The following FRS2 variants were observed in gnomAD, a reference collection of about 807,000 sequenced individuals.
FRS2 encodes fibroblast growth factor receptor substrate 2.
In FRS2, 8 loss-of-function variants were observed where a neutral mutation model predicts 43.9. That is an observed-to-expected ratio of 0.18 (90% CI 0.11 to 0.33). The LOEUF is 0.33. FRS2 is among the 10% of genes least tolerant of loss of function. FRS2 has a pLI of 1.00. For synonymous variants in FRS2, 219 were observed against 220.3 expected, an observed-to-expected ratio of 0.99 and a Z score of 0.05; for missense variants, 534 against 627.6, an observed-to-expected ratio of 0.85 and a Z score of 1.59.
chr12:69,536,027 ATTG>A (rs945440046), intron 3 of FRS2, among the ~76,000 whole-genome samples: 2 of 141,916 alleles, frequency 1.4e-5, no homozygotes, highest in Non-Finnish European at 3.1e-5. Context: ...TTTTTTTTTA[ATTG>A]TTGTTATTGC....
Position 69,550,839 on chromosome 12 carries a change from G to A in FRS2, c.-121-11341G>A, listed in dbSNP as rs561977735. On this transcript the variant is annotated intron_variant, in intron 3 of 8. Coordinates refer to ENST00000549921, the MANE Select transcript of FRS2 (RefSeq NM_001278356.2). ...TGAGTATTTTATGTACATAATTATA[G>A]GAAACCAATATTCTTTGTAGCTGTT... Among the ~76,000 whole-genome samples, 74 of 152,230 alleles carry A rather than the reference G, an allele frequency of 4.9e-4. 2 individuals are homozygous for A. The South Asian group carries it at 7.5e-3, about 15-fold the overall frequency.
chr12:69,512,832 G>C (rs746872345), intron 1 of FRS2, among the ~76,000 whole-genome samples: 24 of 152,032 alleles, frequency 1.6e-4, no homozygotes, highest in Non-Finnish European at 2.8e-4. Flanking sequence ...AAATCAGAAC[G>C]TTATGTTAAA....
intron 1 of FRS2, among the ~76,000 whole-genome samples, chr12:69,518,259 A>G (rs1875257657): frequency 6.6e-6 from 1 of 152,214 alleles, no homozygotes; most frequent in Admixed American, 6.5e-5. Flanking sequence ...CTTTTGTACA[A>G]TTCCCACTTA....
intron 1 of FRS2, among the ~76,000 whole-genome samples, chr12:69,496,530 G>T (rs1872915232): frequency 6.6e-6 from 1 of 152,140 alleles, no homozygotes; most frequent in Non-Finnish European, 1.5e-5. Flanking sequence ...ACATATTTTT[G>T]AAGTGTCCAG....
intron 3 of FRS2, among the ~76,000 whole-genome samples, chr12:69,550,673 T>C (rs1878797080): frequency 6.6e-6 from 1 of 152,224 alleles, no homozygotes; most frequent in South Asian, 2.1e-4. Context: ...AGCAGAGATA[T>C]TGTATGCCAT....
At chr12:69,474,101 A>G (rs1332268836) in intron 1 of FRS2, among the ~76,000 whole-genome samples, 2 of 152,138 alleles carry the variant, frequency 1.3e-5, no homozygotes, top group Non-Finnish European at 2.9e-5. Context: ...TCAGCCTCCC[A>G]AAGTGCTGGG....
intron 3 of FRS2, among the ~76,000 whole-genome samples, chr12:69,561,042 T>C (rs1248627996): frequency 6.6e-6 from 1 of 152,194 alleles, no homozygotes; most frequent in Non-Finnish European, 1.5e-5. Context: ...CAAAGTCCCC[T>C]AGAATACATT....
intron 1 of FRS2, among the ~76,000 whole-genome samples, chr12:69,527,279 A>T (rs775722649): frequency 1.7e-4 from 25 of 149,378 alleles, no homozygotes; most frequent in Non-Finnish European, 3.1e-4. Flanking sequence ...TATAGCAGTG[A>T]ATCTTTCTTC....
chr12:69,557,225 A>T (rs934605102), intron 3 of FRS2, among the ~76,000 whole-genome samples: 6 of 152,186 alleles, frequency 3.9e-5, no homozygotes, highest in African/African-American at 1.4e-4. Flanking sequence ...ACCCTTTATT[A>T]ATTTGACACA....
chr12:69,501,390 C>A (rs115846323), intron 1 of FRS2, among the ~76,000 whole-genome samples: 268 of 152,242 alleles, frequency 1.8e-3, no homozygotes, highest in African/African-American at 6.2e-3. Flanking sequence ...CCCGACCAAC[C>A]AGTGAATCAT....
intron 1 of FRS2, among the ~76,000 whole-genome samples, chr12:69,508,548 T>C (rs962428066): frequency 9.2e-5 from 14 of 152,198 alleles, no homozygotes; most frequent in Non-Finnish European, 1.8e-4. Flanking sequence ...TTTAGATCTT[T>C]TAAACAAAAT....
chr12:69,562,785 G>A (rs574322511), intron 4 of FRS2, among the ~76,000 whole-genome samples: 1 of 152,210 alleles, frequency 6.6e-6, no homozygotes, highest in East Asian at 1.9e-4. Flanking sequence ...GACCACCTGG[G>A]TTTAAGTGAT....
chr12:69,552,444 C>T (rs1245963982), intron 3 of FRS2, among the ~76,000 whole-genome samples: 1 of 151,812 alleles, frequency 6.6e-6, no homozygotes, highest in Non-Finnish European at 1.5e-5. Flanking sequence ...GTAGCCTCTA[C>T]TTTCTTAAAC....
At chr12:69,477,960 C>A (rs908978319) in intron 1 of FRS2, among the ~76,000 whole-genome samples, 1 of 151,646 alleles carries the variant, frequency 6.6e-6, no homozygotes, top group African/African-American at 2.4e-5. Context: ...CCAGGATGGT[C>A]TCAATCTCCT....
intron 1 of FRS2, among the ~76,000 whole-genome samples, chr12:69,504,944 TCA>T (rs1474286269): frequency 2.0e-5 from 3 of 152,214 alleles, no homozygotes; most frequent in Non-Finnish European, 4.4e-5. Context: ...TCTTCCCACC[TCA>T]GCCTCCCTTA....
At chr12:69,516,060 C>T (rs996529241) in intron 1 of FRS2, among the ~76,000 whole-genome samples, 2 of 151,968 alleles carry the variant, frequency 1.3e-5, no homozygotes, top group Non-Finnish European at 2.9e-5. Flanking sequence ...AACCACCTCT[C>T]GTTAATTATT....
chr12:69,515,563 G>A (rs935939200), intron 1 of FRS2, among the ~76,000 whole-genome samples: 2 of 151,894 alleles, frequency 1.3e-5, no homozygotes, highest in African/African-American at 4.8e-5. Flanking sequence ...CATCCCTCGC[G>A]CTCTCTTGCT....
chr12:69,484,570 C>T (rs114230589), intron 1 of FRS2, among the ~76,000 whole-genome samples: 1 of 152,298 alleles, frequency 6.6e-6, no homozygotes, highest in African/African-American at 2.4e-5. Flanking sequence ...ACCTTTCTTC[C>T]TGTCTGCTCC....
chr12:69,566,561 C>G (rs1323089821), intron 4 of FRS2, among the ~76,000 whole-genome samples: 1 of 151,752 alleles, frequency 6.6e-6, no homozygotes, highest in East Asian at 1.9e-4. Context: ...GAGCCGAGAT[C>G]ACGCCATAGC....
Sources: gnomAD v4.1 joint callset for allele counts (sites outside exome capture counted in the v4.1 genomes callset) on GRCh38, gnomAD v4.1.1 for gene constraint, MANE v1.5 for transcripts, NCBI Gene and HGNC (gene_info 2026-07-23, HGNC 2026-07-21) for gene names.